The following CTNNA1 variants were observed in gnomAD, a reference collection of about 807,000 sequenced individuals.
CTNNA1 encodes catenin alpha-1.
Under a neutral mutation model 98.4 loss-of-function variants are expected in CTNNA1, and 37 were observed. The ratio of observed to expected loss-of-function variants is 0.38; its 90% CI spans 0.29 to 0.49. CTNNA1 has a LOEUF of 0.49. Among genes scored for constraint, CTNNA1 ranks in the 20% least tolerant of loss-of-function variants. The probability of loss-of-function intolerance (pLI) is 0.95; values close to 1 mark genes in which losing one functional copy is unlikely to be tolerated. For missense variants in CTNNA1, 761 were observed against 1,147.2 expected, an observed-to-expected ratio of 0.66 and a Z score of 4.86; for synonymous variants, 404 against 413.2, an observed-to-expected ratio of 0.98 and a Z score of 0.27.
intron 9 of CTNNA1, among the ~76,000 whole-genome samples, chr5:138,894,797 T>C (rs77850770): frequency 1.6e-4 from 24 of 152,170 alleles, no homozygotes; most frequent in African/African-American, 5.8e-4. Context: ...TTTCCCTGCC[T>C]ACAACTGCCT....
At chr5:138,782,664 G>A (rs1345572154) in intron 2 of CTNNA1, among the ~76,000 whole-genome samples, 1 of 152,184 alleles carries the variant, frequency 6.6e-6, no homozygotes, top group Non-Finnish European at 1.5e-5. Flanking sequence ...AAGACATAAA[G>A]CGTCATCACT....
chr5:138,824,494 G>C (rs753745248), intron 5 of CTNNA1, 36 bp from the exon 6 acceptor site: 1 of 1,604,046 alleles, frequency 6.2e-7, no homozygotes, highest in Non-Finnish European at 8.5e-7. Flanking sequence ...CCCATATAAA[G>C]AGTGCTCCAA....
chr5:138,917,784 A>G lies in CTNNA1; in HGVS notation c.1432A>G (p.Lys478Glu). ...GGCTTTAGCAGCAAAACCACAGAGT[A>G]AACTGGCCCAAGAGAACATGGATCT... Reference protein sequence around the residue: ...ALALAAKPQSKLAQENMDLFK... With the variant: ...ALALAAKPQSELAQENMDLFK... The change falls in exon 11 of 18, where the codon AAA becomes GAA. Residue 478 changes from lysine to glutamate, a missense_variant. Lys to Glu is a moderately conservative substitution (Grantham distance 56). Coordinates refer to ENST00000302763, the MANE Select transcript of CTNNA1 (RefSeq NM_001903.5). The G allele has an allele frequency of 1.2e-6, 2 of 1,614,238 alleles. No homozygotes were observed. The highest frequency in any genetic ancestry group is 1.7e-6 in the Non-Finnish European group (2 of 1,180,042).
At chr5:138,846,101 A>T (rs553202022) in intron 7 of CTNNA1, among the ~76,000 whole-genome samples, 1 of 151,922 alleles carries the variant, frequency 6.6e-6, no homozygotes, top group African/African-American at 2.4e-5. Flanking sequence ...TAATTTTCAT[A>T]CTTTTAGAGA....
At chr5:138,782,392 A>T (rs1343360185) in intron 2 of CTNNA1, 1 of 428,562 alleles carries the variant, frequency 2.3e-6, no homozygotes, top group Non-Finnish European at 4.7e-6. Context: ...ATTGTGTGGG[A>T]TTAATTAGCA....
Position 138,934,368 on chromosome 5 carries a change from GC to G in CTNNA1, c.*280del. ...AATCCCACATTAGCTTGTTAGTAAT[GC>G]TCTGACCAAGCCGAGATGCCCATTC... On this transcript the variant is annotated 3_prime_UTR_variant, in exon 18 of 18. Coordinates refer to ENST00000302763, the MANE Select transcript of CTNNA1 (RefSeq NM_001903.5). 2.6e-6 allele frequency: 1 copy of G among 387,702 alleles called. No homozygotes were observed. Among genetic ancestry groups the G allele is most frequent in the Non-Finnish European group, 4.6e-6 (1 of 215,182 alleles). The allele number at this position is 387,702 out of a possible 1,614,324, so 24.0% of individuals were successfully genotyped here.
Position 138,874,109 on chromosome 5 carries a change from T to C in CTNNA1, c.1063-12103T>C, listed in dbSNP as rs776041715. On this transcript the variant is annotated intron_variant, in intron 7 of 17. Transcript: ENST00000302763. The surrounding 1 kb of genome is among the most constrained non-coding windows in gnomAD (Gnocchi z 4.1). ...CAGCTTCCGAAGGCCATAGAAGAGC[T>C]CTGGGTGCAGAGATGACAGCTGATT... is the stretch of plus-strand genomic sequence containing the variant. 4 of 1,613,740 alleles carry C rather than the reference T, an allele frequency of 2.5e-6. No individual in the cohort carries two copies. The highest frequency in any genetic ancestry group is 3.4e-6 in the Non-Finnish European group (4 of 1,179,756).
chr5:138,901,167 T>C (rs1757946546), intron 9 of CTNNA1, among the ~76,000 whole-genome samples: 1 of 152,156 alleles, frequency 6.6e-6, no homozygotes, highest in Non-Finnish European at 1.5e-5. Flanking sequence ...CTTTTCTCTT[T>C]TCTCTTTTTT....
chr5:138,901,654 C>T (rs372980410), intron 9 of CTNNA1, among the ~76,000 whole-genome samples: 95 of 152,284 alleles, frequency 6.2e-4, no homozygotes, highest in African/African-American at 2.2e-3. Flanking sequence ...GTCACAAACT[C>T]CTAGCCTCAA....
intron 7 of CTNNA1, 150 bp downstream of exon 7, chr5:138,827,868 A>T (rs540202007): frequency 1.1e-6 from 1 of 881,718 alleles, no homozygotes; most frequent in African/African-American, 1.7e-5. Context: ...AAAGAAATGG[A>T]TAAATGGCTA....
chr5:138,827,811 C>A, intron 7 of CTNNA1, 93 bp downstream of exon 7: 1 of 1,462,316 alleles, frequency 6.8e-7, no homozygotes, highest in East Asian at 2.3e-5. Context: ...CTATAAATAC[C>A]AAATATGTCC....
chr5:138,755,814 A>G (rs951707222), intron 1 of CTNNA1, among the ~76,000 whole-genome samples: 2 of 148,910 alleles, frequency 1.3e-5, no homozygotes, highest in African/African-American at 5.0e-5. Flanking sequence ...GATCCAGGGT[A>G]ACTGCCCTGC....
chr5:138,861,395 G>A (rs1057172872), intron 7 of CTNNA1, among the ~76,000 whole-genome samples: 23 of 152,136 alleles, frequency 1.5e-4, no homozygotes, highest in African/African-American at 5.3e-4. Context: ...TAATGTTCGT[G>A]TCTTTTTTTT....
chr5:138,874,332 C>G lies in CTNNA1; in HGVS notation c.1063-11880C>G, dbSNP rs201299132. On this transcript the variant is annotated intron_variant, in intron 7 of 17. Transcript: ENST00000302763. This position sits in a 1 kb window ranked among gnomAD's most constrained non-coding sequence, Gnocchi z 4.1. ...CTGAAGCTGGCAAATTGATCTCTTT[C>G]GAGCTCTGTGATGTGATTGTGCCTC... 1.9e-6 allele frequency: 3 copies of G among 1,613,990 alleles called. No homozygotes were observed. In the South Asian group the frequency reaches 3.3e-5, roughly 18 times the overall value.
At chr5:138,868,228 A>G (rs1212214886) in intron 7 of CTNNA1, among the ~76,000 whole-genome samples, 1 of 152,260 alleles carries the variant, frequency 6.6e-6, no homozygotes, top group African/African-American at 2.4e-5. Flanking sequence ...GTAGCTATTA[A>G]TAAAAATTTT....
At chr5:138,895,967 G>T (rs2150087501) in intron 9 of CTNNA1, among the ~76,000 whole-genome samples, 1 of 152,214 alleles carries the variant, frequency 6.6e-6, no homozygotes, top group East Asian at 1.9e-4. Flanking sequence ...AGTATAAAAA[G>T]GTTATGCTTT....
At chr5:138,827,477 G>T (rs1292184105) in intron 6 of CTNNA1, 38 bp from the exon 7 acceptor site, 2 of 1,602,820 alleles carry the variant, frequency 1.2e-6, no homozygotes, top group African/African-American at 2.7e-5. Context: ...GAAGGGAACA[G>T]AGATGAGTAC....
chr5:138,907,067 G>T lies in CTNNA1; in HGVS notation c.1389+2626G>T, dbSNP rs191945877. On this transcript the variant is annotated intron_variant, in intron 10 of 17. Coordinates refer to ENST00000302763, the MANE Select transcript of CTNNA1 (RefSeq NM_001903.5). ...GATGGAGTCTGACTCTGTCACCCAG[G>T]CTGGAGTGCAGTAGCATGATCTCTG... Among the ~76,000 whole-genome samples, 30 of 152,194 alleles carry T rather than the reference G, an allele frequency of 2.0e-4. No homozygotes were observed. In the East Asian group the frequency reaches 2.5e-3, roughly 13 times the overall value.
chr5:138,823,956 C>CAAAAAAAAAAAA lies in CTNNA1; in HGVS notation c.589-555_589-544dup, dbSNP rs369653057. 9.2e-4 allele frequency among the ~76,000 whole-genome samples: 59 copies of CAAAAAAAAAAAA among 64,420 alleles called. 2 individuals carry two copies. Among genetic ancestry groups the CAAAAAAAAAAAA allele is most frequent in the Middle Eastern group, 0.017 (1 of 58 alleles). 42.3% of individuals were successfully genotyped at this position (64,420 alleles called of 152,430 possible). A position where few individuals can be genotyped will look rare whatever the true frequency, so the allele number is the denominator to read the frequency against. On this transcript the variant is annotated intron_variant, in intron 5 of 17. Coordinates refer to ENST00000302763, the MANE Select transcript of CTNNA1 (RefSeq NM_001903.5). ...TGGGCGACAGAGCGAGACTCCGTCTCAAAAAAAAAAAAAAAAAAAAAAAAA... is the reference window on the plus strand; with the variant it reads ...TGGGCGACAGAGCGAGACTCCGTCTCAAAAAAAAAAAAAAAAAAAAAAAAAAAAAAAAAAAAA...
Sources: gnomAD v4.1 joint callset for allele counts (sites outside exome capture counted in the v4.1 genomes callset) on GRCh38, gnomAD v4.1.1 for gene constraint, Gnocchi (gnomAD v3.1) non-coding constraint, MANE v1.5 for transcripts, NCBI Gene and HGNC (gene_info 2026-07-23, HGNC 2026-07-21) for gene names.